PCDHGB1: variants seen among roughly 807,000 people sequenced by gnomAD.
PCDHGB1 encodes protocadherin gamma subfamily B, 1.
PCDHGB1 carries 34 observed loss-of-function variants against 56.6 expected under a neutral mutation model. The observed-to-expected ratio is 0.60, with a 90% CI of 0.46 to 0.80. The LOEUF is 0.80. PCDHGB1 is among the 30% of genes least tolerant of loss of function. PCDHGB1 has a pLI of 0.00. For synonymous variants in PCDHGB1, 561 were observed against 505.9 expected (o/e 1.11, Z -1.46); for missense variants, 1,278 against 1,204.6 (o/e 1.06, Z -0.90).
At chr5:141,507,862 G>A (rs17286954) in intron 3 of PCDHGB1, among the ~76,000 whole-genome samples, 4 of 152,076 alleles carry the variant, frequency 2.6e-5, no homozygotes, top group African/African-American at 7.2e-5. Flanking sequence ...TTTCACACCC[G>A]CTTCCTAGCC....
intron 1 of PCDHGB1, chr5:141,399,834 G>C (rs375768001): frequency 2.4e-5 from 39 of 1,613,004 alleles, no homozygotes; most frequent in Non-Finnish European, 2.9e-5. Flanking sequence ...ACGGCTCTGC[G>C]CTCTTCGATA....
intron 1 of PCDHGB1, chr5:141,382,864 C>G (rs775003646): frequency 1.3e-6 from 2 of 1,516,562 alleles, no homozygotes; most frequent in Non-Finnish European, 8.8e-7. Context: ...AAGCACTTCC[C>G]GAGATCGGCG....
rs1758792333 is a variant in PCDHGB1, at chr5:141,351,701, G to C, written c.1441G>C (p.Gly481Arg). ...CTCCGACCCGGATTTGGGACCCAAC[G>C]GCAGAGTCTCCTACTCTATTCTGGC... ...SASDPDLGPNGRVSYSILASD... is the reference protein window; with the variant it reads ...SASDPDLGPNRRVSYSILASD... Residue 481 changes from glycine to arginine, a missense_variant, in exon 1 of 4, where the codon GGC becomes CGC. Gly to Arg is a moderately radical substitution (Grantham distance 125). Transcript: ENST00000523390. 8.7e-6 allele frequency: 14 copies of C among 1,613,926 alleles called. No homozygotes were observed. Among genetic ancestry groups the C allele is most frequent in the African/African-American group, 1.3e-5 (1 of 75,066 alleles).
Position 141,372,784 on chromosome 5 carries a change from C to T in PCDHGB1, c.2409+20115C>T. Reference sequence around the variant, plus strand: ...GAAAGTAATGACAATCCAGAAATGCCTTCTAATTCAGGCAATTTGCAAAAG... The same window carrying T: ...GAAAGTAATGACAATCCAGAAATGCTTTCTAATTCAGGCAATTTGCAAAAG... On this transcript the variant is annotated intron_variant, in intron 1 of 3. Coordinates refer to ENST00000523390, the MANE Select transcript of PCDHGB1 (RefSeq NM_018922.3). The T allele has an allele frequency of 1.9e-6, 3 of 1,606,556 alleles. No homozygotes were observed. In the South Asian group the frequency reaches 3.3e-5, roughly 18 times the overall value.
intron 1 of PCDHGB1, chr5:141,400,182 G>C (rs754765633): frequency 3.7e-6 from 6 of 1,614,072 alleles, no homozygotes; most frequent in Non-Finnish European, 5.1e-6. Flanking sequence ...CTGAGCTGCA[G>C]TTTTACCTAG....
At chr5:141,419,877 C>T in intron 1 of PCDHGB1, 3 of 1,614,062 alleles carry the variant, frequency 1.9e-6, no homozygotes, top group Non-Finnish European at 8.5e-7. Flanking sequence ...GAGGTACTGC[C>T]GGATTTCAGC....
At chr5:141,408,675 C>T (rs574868088) in intron 1 of PCDHGB1, 14 of 1,613,950 alleles carry the variant, frequency 8.7e-6, no homozygotes, top group Admixed American at 8.3e-5. Flanking sequence ...GACCCTGCCA[C>T]GGATCCTGAT....
In PCDHGB1 at chr5:141,477,070, T is replaced by A; in HGVS notation, c.2410-17737T>A. 6.2e-7 allele frequency: 1 copy of A among 1,613,342 alleles called. No individual in the cohort carries two copies. The highest frequency in any genetic ancestry group is 8.5e-7 in the Non-Finnish European group (1 of 1,179,244). ...TGGACTTCGAGGACACCAAACTCCATGAGATTTACATCCAGGCCAAAGACA... is the reference window on the plus strand; with the variant it reads ...TGGACTTCGAGGACACCAAACTCCAAGAGATTTACATCCAGGCCAAAGACA... On this transcript the variant is annotated intron_variant, in intron 1 of 3. Coordinates refer to ENST00000523390, the MANE Select transcript of PCDHGB1 (RefSeq NM_018922.3). The surrounding 1 kb of genome is among the most constrained non-coding windows in gnomAD (Gnocchi z 4.9).
At position 141,500,184 on chromosome 5, in the gene PCDHGB1, TTTTATTTATTTATTTA is replaced by T. The variant is rs58019021; in HGVS notation, c.2469-5182_2469-5167del. Among the ~76,000 whole-genome samples the T allele has an allele frequency of 2.1e-3, 289 of 135,964 alleles. 1 individual carries two copies. Among genetic ancestry groups the T allele is most frequent in the Middle Eastern group, 0.016 (4 of 248 alleles). The allele number at this position is 135,964 out of a possible 152,430, so 89.2% of individuals were successfully genotyped here. A position where few individuals can be genotyped will look rare whatever the true frequency, so the allele number is the denominator to read the frequency against. On this transcript the variant is annotated intron_variant, in intron 2 of 3. Coordinates refer to ENST00000523390, the MANE Select transcript of PCDHGB1 (RefSeq NM_018922.3). ...GAACATGCATGAGCTTCATTTTTAT[TTTTATTTATTTATTTA>T]TTTATTTATTTATTTATTTATTTAT...
Position 141,431,581 on chromosome 5 carries a change from T to C in PCDHGB1, c.2410-63226T>C. The C allele has an allele frequency of 1.2e-6, 2 of 1,614,160 alleles. No individual in the cohort carries two copies. Among genetic ancestry groups the C allele is most frequent in the Non-Finnish European group, 1.7e-6 (2 of 1,180,022 alleles). ...CTACCGACCCTGACGAAGGAGTCAA[T>C]GCGGAAGTGAGGTATTCCTTCCGGT... On this transcript the variant is annotated intron_variant, in intron 1 of 3. Transcript: ENST00000523390. This position sits in a 1 kb window ranked among gnomAD's most constrained non-coding sequence, Gnocchi z 4.8.
intron 1 of PCDHGB1, chr5:141,370,835 C>A: frequency 6.2e-7 from 1 of 1,613,964 alleles, no homozygotes; most frequent in Non-Finnish European, 8.5e-7. Flanking sequence ...AACTGGCTCT[C>A]ACTGGAGCCA....
At chr5:141,398,827 G>A in intron 1 of PCDHGB1, 1 of 1,613,982 alleles carries the variant, frequency 6.2e-7, no homozygotes, top group East Asian at 2.2e-5. Flanking sequence ...CCAGGTAACC[G>A]ACGCCAATGA....
chr5:141,385,582 G>C, intron 1 of PCDHGB1: 1 of 1,273,856 alleles, frequency 7.9e-7, no homozygotes, highest in Non-Finnish European at 9.9e-7. Context: ...TCCAATCTAT[G>C]TTCCAACCTA....
At chr5:141,423,342 C>A in intron 1 of PCDHGB1, 1 of 1,613,824 alleles carries the variant, frequency 6.2e-7, no homozygotes, top group South Asian at 1.1e-5. Flanking sequence ...CCTGCATCTT[C>A]CTGGTCTTTG....
chr5:141,410,140 G>GCGTGA, intron 1 of PCDHGB1: 1 of 1,612,782 alleles, frequency 6.2e-7, no homozygotes, highest in Non-Finnish European at 8.5e-7. Flanking sequence ...TGGTCGCTGT[G>GCGTGA]CGTGACGGTG....
intron 1 of PCDHGB1, chr5:141,408,110 T>G: frequency 2.8e-6 from 4 of 1,445,204 alleles, no homozygotes; most frequent in Non-Finnish European, 2.7e-6. Context: ...GACCCGGGAC[T>G]CCTCCTGTCC....
chr5:141,385,105 C>T lies in PCDHGB1; in HGVS notation c.2409+32436C>T. ...TTCAGAAGGTGGCTTGGCGAACGTG[C>T]CCACCTCGCACTTTGTGGGCATGGA... On this transcript the variant is annotated intron_variant, in intron 1 of 3. Transcript: ENST00000523390. 3 of 1,614,176 alleles carry T rather than the reference C, an allele frequency of 1.9e-6. No homozygotes were observed. Among genetic ancestry groups the T allele is most frequent in the Non-Finnish European group, 2.5e-6 (3 of 1,180,044 alleles).
chr5:141,417,704 A>G, intron 1 of PCDHGB1: 2 of 1,207,460 alleles, frequency 1.7e-6, no homozygotes, highest in Non-Finnish European at 1.1e-6. Context: ...GCTCCCACAC[A>G]GAGGCTCCCG....
Position 141,350,380 on chromosome 5 carries a change from C to A in PCDHGB1, c.120C>A (p.Ala40=). The A allele has an allele frequency of 6.3e-7, 1 of 1,589,508 alleles. No homozygotes were observed. The highest frequency in any genetic ancestry group is 1.7e-5 in the Admixed American group (1 of 57,950). Residue 40 remains alanine (A), a synonymous_variant, in exon 1 of 4, where the codon GCC becomes GCA. Coordinates refer to ENST00000523390, the MANE Select transcript of PCDHGB1 (RefSeq NM_018922.3). ...QIRYTIPEEL[A]NGSRVGKLAK... is the part of the protein sequence containing the mutation. ...GATACACGATTCCAGAGGAGCTAGC[C>A]AACGGCTCACGGGTGGGGAAACTTG... is the stretch of plus-strand genomic sequence containing the variant.
Sources: allele counts gnomAD v4.1 joint callset (sites outside exome capture counted in the v4.1 genomes callset), GRCh38; gene constraint gnomAD v4.1.1; non-coding constraint Gnocchi (gnomAD v3.1); transcripts MANE v1.5; gene names NCBI Gene and HGNC (gene_info 2026-07-23, HGNC 2026-07-21).